The following SAMD13 variants were observed in gnomAD, a reference collection of about 807,000 sequenced individuals.
SAMD13 encodes sterile alpha motif domain-containing protein 13.
In SAMD13, 9 loss-of-function variants were observed where a neutral mutation model predicts 12.4. The ratio of observed to expected loss-of-function variants is 0.72; its 90% confidence interval spans 0.44 to 1.26. The LOEUF (loss-of-function observed/expected upper bound fraction) is 1.26. Among genes scored for constraint, SAMD13 ranks in the 50% most tolerant of loss-of-function variants. SAMD13 has a pLI of 0.00. For synonymous variants in SAMD13, 46 were observed against 45.4 expected (o/e 1.01, Z -0.05); for missense variants, 84 against 119.6 (o/e 0.70, Z 1.39).
At chr1:84,309,577 A>G (rs1678662877) in intron 2 of SAMD13, among the ~76,000 whole-genome samples, 2 of 152,182 alleles carry the variant, frequency 1.3e-5, no homozygotes, top group African/African-American at 4.8e-5. Context: ...TCTGTATATT[A>G]TGGGTCAATA....
In SAMD13 at chr1:84,301,764, T is replaced by C; in HGVS notation, c.-70T>C. The C allele has an allele frequency of 1.0e-6, 1 of 985,438 alleles. No homozygotes were observed. Among genetic ancestry groups the C allele is most frequent in the Non-Finnish European group, 1.2e-6 (1 of 829,918 alleles). 61.0% of individuals were successfully genotyped at this position (985,438 alleles called of 1,614,324 possible). A position where few individuals can be genotyped will look rare whatever the true frequency, so the allele number is the denominator to read the frequency against. ...TTGGGGTTTCTTTGGCTGTTCTTGA[T>C]AAGCCTATAAAAAATGATATTTTTT... is the stretch of plus-strand genomic sequence containing the variant. On this transcript the variant is annotated 5_prime_UTR_variant, in exon 1 of 4. Transcript: ENST00000394834.
intron 3 of SAMD13, among the ~76,000 whole-genome samples, chr1:84,328,664 G>A (rs543655399): frequency 4.6e-5 from 7 of 152,254 alleles, no homozygotes; most frequent in African/African-American, 1.7e-4. Flanking sequence ...TCACACTACA[G>A]AGGGCATCAG....
At chr1:84,345,258 T>C (rs1469817053) in intron 3 of SAMD13, 1 of 455,370 alleles carries the variant, frequency 2.2e-6, no homozygotes. Flanking sequence ...TTTCATGAGA[T>C]TCCTCCACAT....
intron 2 of SAMD13, among the ~76,000 whole-genome samples, chr1:84,312,809 A>C (rs2101794313): frequency 6.6e-6 from 1 of 152,304 alleles, no homozygotes; most frequent in East Asian, 1.9e-4. Context: ...TTCCTCAATC[A>C]AACTTCAAAT....
chr1:84,303,358 C>T (rs368317029), intron 2 of SAMD13, 71 bp downstream of exon 2: 1 of 1,262,268 alleles, frequency 7.9e-7, no homozygotes, highest in African/African-American at 1.5e-5. Context: ...TTTCGTACTT[C>T]TTGCTTATCT....
chr1:84,344,667 T>C (rs1679497047), intron 3 of SAMD13: 1 of 309,028 alleles, frequency 3.2e-6, no homozygotes, highest in Non-Finnish European at 6.4e-6. Context: ...GGAAAGGCTG[T>C]TTAAAGAAAC....
At chr1:84,340,674 A>G (rs1679404920) in intron 3 of SAMD13, among the ~76,000 whole-genome samples, 1 of 152,220 alleles carries the variant, frequency 6.6e-6, no homozygotes, top group Admixed American at 6.5e-5. Flanking sequence ...TTTAAAAAAT[A>G]TTAAGTAATT....
In SAMD13 at chr1:84,349,764, A is replaced by G. The variant is rs1487719493; in HGVS notation, c.299A>G (p.Asn100Ser). ...KPLQTKHLKN[N>S]SS is the part of the protein sequence containing the mutation. ...CTGCAGACAAAGCATTTAAAGAACAACTCTTCATAGTACAGTCAAATTGGG... is the reference window on the plus strand; with the variant it reads ...CTGCAGACAAAGCATTTAAAGAACAGCTCTTCATAGTACAGTCAAATTGGG... The change falls in exon 4 of 4, where the codon AAC becomes AGC. Residue 100 changes from asparagine to serine, a missense_variant. By Grantham distance (46) the Asn-to-Ser change is conservative (BLOSUM62 1). Coordinates refer to ENST00000394834, the MANE Select transcript of SAMD13 (RefSeq NM_001134663.2). The G allele has an allele frequency of 6.2e-7, 1 of 1,613,014 alleles. No individual in the cohort carries two copies. Among genetic ancestry groups the G allele is most frequent in the Admixed American group, 1.7e-5 (1 of 59,854 alleles).
At chr1:84,332,014 T>G (rs1000658448) in intron 3 of SAMD13, among the ~76,000 whole-genome samples, 1 of 152,160 alleles carries the variant, frequency 6.6e-6, no homozygotes, top group Non-Finnish European at 1.5e-5. Context: ...TTAGTTCGCA[T>G]AGGATAATGA....
chr1:84,347,443 G>A (rs1389880492), intron 3 of SAMD13, among the ~76,000 whole-genome samples: 6 of 152,112 alleles, frequency 3.9e-5, no homozygotes, highest in African/African-American at 1.4e-4. Flanking sequence ...ATTTTTCACA[G>A]GCATACTTGG....
intron 2 of SAMD13, among the ~76,000 whole-genome samples, chr1:84,319,624 GAA>G (rs57599932): frequency 0.046 from 3,556 of 77,784 alleles, 121 homozygotes; most frequent in African/African-American, 0.11. Context: ...GACAGGAAAA[GAA>G]AAAAAAAAAA....
chr1:84,336,806 T>G (rs779697407), intron 3 of SAMD13, among the ~76,000 whole-genome samples: 21 of 152,196 alleles, frequency 1.4e-4, no homozygotes, highest in Non-Finnish European at 2.5e-4. Flanking sequence ...ACAAGGCAAG[T>G]CTCTTCTACC....
At chr1:84,345,026 C>G (rs1679507738) in intron 3 of SAMD13, 1 of 456,724 alleles carries the variant, frequency 2.2e-6, no homozygotes, top group Non-Finnish European at 4.4e-6. Flanking sequence ...ACTCCTCCAT[C>G]TTTGATGTGG....
chr1:84,312,545 A>C (rs1019858820), intron 2 of SAMD13, among the ~76,000 whole-genome samples: 5 of 152,104 alleles, frequency 3.3e-5, no homozygotes, highest in African/African-American at 1.2e-4. Flanking sequence ...CAACAAACAT[A>C]TTACAGTGTT....
intron 3 of SAMD13, among the ~76,000 whole-genome samples, chr1:84,347,070 C>G (rs180947798): frequency 6.2e-4 from 94 of 152,264 alleles, no homozygotes; most frequent in African/African-American, 2.1e-3. Context: ...TTATTTCCAT[C>G]TTAAGGTGAG....
At chr1:84,315,765 T>C (rs1322975894) in intron 2 of SAMD13, among the ~76,000 whole-genome samples, 1 of 152,210 alleles carries the variant, frequency 6.6e-6, no homozygotes, top group Non-Finnish European at 1.5e-5. Context: ...ATAGTAGTTC[T>C]ATCTTTAATT....
intron 3 of SAMD13, among the ~76,000 whole-genome samples, chr1:84,329,144 A>C (rs1027077942): frequency 5.3e-5 from 8 of 152,104 alleles, no homozygotes; most frequent in Non-Finnish European, 8.8e-5. Flanking sequence ...TGCTCTTATA[A>C]GAAGAGAACA....
At chr1:84,316,666 C>T (rs1678840493) in intron 2 of SAMD13, among the ~76,000 whole-genome samples, 2 of 152,012 alleles carry the variant, frequency 1.3e-5, no homozygotes, top group Non-Finnish European at 2.9e-5. Context: ...GCCTCCAACA[C>T]TGTTCTTTTT....
chr1:84,318,438 T>G (rs940812176), intron 2 of SAMD13, among the ~76,000 whole-genome samples: 2 of 152,126 alleles, frequency 1.3e-5, no homozygotes, highest in Non-Finnish European at 2.9e-5. Flanking sequence ...TGCCATTGAT[T>G]TCTAGTTTCA....
Sources: allele counts gnomAD v4.1 joint callset (sites outside exome capture counted in the v4.1 genomes callset), GRCh38; gene constraint gnomAD v4.1.1; transcripts MANE v1.5; gene names NCBI Gene and HGNC (gene_info 2026-07-23, HGNC 2026-07-21).